KDM4C: variants seen among roughly 807,000 people sequenced by gnomAD.
KDM4C encodes the protein lysine-specific demethylase 4C.
KDM4C carries 81 observed loss-of-function variants against 129.3 expected under a neutral mutation model. The observed-to-expected ratio is 0.63, with a 90% CI of 0.52 to 0.75. The LOEUF (loss-of-function observed/expected upper bound fraction) is 0.75, where lower values mean the gene tolerates loss of function less well. KDM4C is among the 30% of genes least tolerant of loss of function. KDM4C has a pLI of 0.00. For synonymous variants in KDM4C, 573 were observed against 456.1 expected (o/e 1.26, Z -3.26); for missense variants, 1,457 against 1,304.0 (o/e 1.12, Z -1.81).
intron 4 of KDM4C, chr9:6,835,644 G>A (rs1835746212): frequency 3.8e-6 from 3 of 779,580 alleles, no homozygotes; most frequent in South Asian, 2.8e-5. Flanking sequence ...AAAACAAGAT[G>A]AGATTGGCAT....
rs56306376 is a variant in KDM4C at position 7,087,274 on chromosome 9, C to CTT, written c.2425-16402_2425-16401dup. On this transcript the variant is annotated intron_variant, in intron 17 of 21. Transcript: ENST00000381309. ...TCCCATTTAGTTTTTAATATGAAGGCTTTTTTTTTTGAAAAAAGAAAAATA... is the reference window on the plus strand; with the variant it reads ...TCCCATTTAGTTTTTAATATGAAGGCTTTTTTTTTTTTGAAAAAAGAAAAATA... Among the ~76,000 whole-genome samples, 40 of 147,420 alleles carry CTT rather than the reference C, an allele frequency of 2.7e-4. 1 individual carries two copies. Among genetic ancestry groups the CTT allele is most frequent in the South Asian group, 1.7e-3 (8 of 4,682 alleles).
chr9:6,780,364 A>C (rs1305192044), intron 1 of KDM4C, among the ~76,000 whole-genome samples: 1 of 134,792 alleles, frequency 7.4e-6, no homozygotes, highest in East Asian at 2.9e-4. Context: ...ATAACAGTAA[A>C]AAGTTAAGAG....
chr9:7,114,942 G>A (rs998253083), intron 18 of KDM4C, among the ~76,000 whole-genome samples: 3 of 152,122 alleles, frequency 2.0e-5, no homozygotes, highest in African/African-American at 4.8e-5. Flanking sequence ...AGCTGGTCGT[G>A]GTGGTGTGCG....
intron 19 of KDM4C, among the ~76,000 whole-genome samples, chr9:7,164,488 GA>G (rs1412478853): frequency 2.0e-5 from 3 of 152,130 alleles, no homozygotes; most frequent in Admixed American, 2.0e-4. Context: ...ATTACCTGCA[GA>G]AAAAGGTGGG....
intron 15 of KDM4C, among the ~76,000 whole-genome samples, chr9:7,031,256 G>GA (rs1360233376): frequency 1.3e-5 from 2 of 151,890 alleles, no homozygotes; most frequent in Admixed American, 6.6e-5. Context: ...TCTGCCTCCT[G>GA]GGTTCAAGTG....
rs1845521299 is a variant in KDM4C, at chr9:6,887,825, A to G, written c.680-135A>G. The G allele has an allele frequency of 5.2e-6, 3 of 576,672 alleles. No homozygotes were observed. In the African/African-American group the frequency reaches 5.8e-5, roughly 11 times the overall value. The allele number at this position is 576,672 out of a possible 1,614,324, so 35.7% of individuals were successfully genotyped here. Reference sequence around the variant, plus strand: ...AACTCTGACTCTGAGTTTTAGTACAAGGGCTTTTTGGCAGAAGAGGTCCAT... The same window carrying G: ...AACTCTGACTCTGAGTTTTAGTACAGGGGCTTTTTGGCAGAAGAGGTCCAT... On this transcript the variant is annotated intron_variant, in intron 6 of 21. Transcript: ENST00000381309.
chr9:6,963,683 A>G (rs945607087), intron 8 of KDM4C, among the ~76,000 whole-genome samples: 1 of 152,130 alleles, frequency 6.6e-6, no homozygotes, highest in African/African-American at 2.4e-5. Flanking sequence ...AATTTATGAG[A>G]TCCATTCCTT....
At chr9:7,059,583 A>G (rs1194534361) in intron 17 of KDM4C, among the ~76,000 whole-genome samples, 3 of 152,206 alleles carry the variant, frequency 2.0e-5, no homozygotes, top group Non-Finnish European at 2.9e-5. Context: ...AAGAATGTCC[A>G]TGATTATCTG....
chr9:7,113,260 C>T (rs1303334000), intron 18 of KDM4C, among the ~76,000 whole-genome samples: 1 of 152,196 alleles, frequency 6.6e-6, no homozygotes, highest in Non-Finnish European at 1.5e-5. Context: ...TTGTTGAGCT[C>T]TCTCTCCACT....
At chr9:7,130,748 T>C (rs1840536712) in intron 19 of KDM4C, among the ~76,000 whole-genome samples, 1 of 152,046 alleles carries the variant, frequency 6.6e-6, no homozygotes, top group African/African-American at 2.4e-5. Context: ...GGGTGAATAG[T>C]AATGTCTTTT....
intron 1 of KDM4C, among the ~76,000 whole-genome samples, chr9:6,746,885 A>C (rs998832921): frequency 6.6e-6 from 1 of 150,468 alleles, no homozygotes; most frequent in Non-Finnish European, 1.5e-5. Flanking sequence ...GGGCACCTGT[A>C]GTCCCAGCTA....
chr9:7,170,127 T>C, intron 21 of KDM4C: 1 of 1,392,672 alleles, frequency 7.2e-7, no homozygotes. Flanking sequence ...TGCTTCTTTG[T>C]GTTGACATTT....
rs1469494114 is a variant in KDM4C, at chr9:7,103,942, G to T, written c.2610+72G>T. ...TTCTCCTGTTTTAGACTACCTCCCA[G>T]ACATAATGTGCTTTATTCTGTAATA... On this transcript the variant is annotated intron_variant, in intron 18 of 21. Coordinates refer to ENST00000381309, the MANE Select transcript of KDM4C (RefSeq NM_015061.6). 6 of 1,334,222 alleles carry T rather than the reference G, an allele frequency of 4.5e-6. No individual in the cohort carries two copies. The East Asian group carries it at 7.1e-5, about 16-fold the overall frequency. 82.6% of individuals were successfully genotyped at this position (1,334,222 alleles called of 1,614,324 possible).
intron 15 of KDM4C, among the ~76,000 whole-genome samples, chr9:7,021,444 C>T (rs970231068): frequency 6.6e-6 from 1 of 152,128 alleles, no homozygotes; most frequent in Non-Finnish European, 1.5e-5. Context: ...TGGGCCTGGC[C>T]TGTCGTTTGC....
intron 17 of KDM4C, among the ~76,000 whole-genome samples, chr9:7,064,843 G>A (rs922604028): frequency 6.6e-6 from 1 of 152,162 alleles, no homozygotes; most frequent in African/African-American, 2.4e-5. Context: ...GTGAACAACT[G>A]TCTTCTTCTA....
At chr9:6,994,368 C>G (rs1404241185) in intron 12 of KDM4C, among the ~76,000 whole-genome samples, 2 of 152,122 alleles carry the variant, frequency 1.3e-5, no homozygotes, top group Non-Finnish European at 2.9e-5. Context: ...TTATGTGTGG[C>G]ACTCTTTTCC....
intron 1 of KDM4C, among the ~76,000 whole-genome samples, chr9:6,783,462 A>C (rs532253535): frequency 6.6e-6 from 1 of 152,204 alleles, no homozygotes. Context: ...GATTCATGAG[A>C]GAGAGGCCCA....
chr9:7,022,322 A>AT, intron 15 of KDM4C, among the ~76,000 whole-genome samples: 1 of 152,050 alleles, frequency 6.6e-6, no homozygotes, highest in East Asian at 1.9e-4. Context: ...TTCCTCTTCA[A>AT]TTTTTTGCAT....
At chr9:6,797,736 C>T (rs1324672630) in intron 2 of KDM4C, among the ~76,000 whole-genome samples, 1 of 152,192 alleles carries the variant, frequency 6.6e-6, no homozygotes, top group Admixed American at 6.5e-5. Context: ...TTATAAGAAG[C>T]ACCACTCTTT....
Sources: gnomAD v4.1 joint callset for allele counts (sites outside exome capture counted in the v4.1 genomes callset) on GRCh38, gnomAD v4.1.1 for gene constraint, MANE v1.5 for transcripts, NCBI Gene and HGNC (gene_info 2026-07-23, HGNC 2026-07-21) for gene names.